PDS5B: variants seen among roughly 807,000 people sequenced by gnomAD.
PDS5B encodes the protein PDS5 cohesin associated factor B.
In PDS5B, 51 loss-of-function variants were observed where a neutral mutation model predicts 184.1. The ratio of observed to expected loss-of-function variants is 0.28; its 90% CI spans 0.22 to 0.35. The LOEUF (loss-of-function observed/expected upper bound fraction) is 0.35. Ranked by LOEUF, PDS5B falls within the 10% of genes least tolerant of loss-of-function variation. PDS5B has a pLI of 1.00. For synonymous variants in PDS5B, 566 were observed against 569.2 expected (o/e 0.99, Z 0.08); for missense variants, 1,180 against 1,723.3 (o/e 0.68, Z 5.58).
At chr13:32,680,170 A>G (rs1268719839) in intron 10 of PDS5B, among the ~76,000 whole-genome samples, 5 of 152,026 alleles carry the variant, frequency 3.3e-5, no homozygotes, top group African/African-American at 4.8e-5. Context: ...CCGTCTGCTC[A>G]TGATTAAGAG....
intron 20 of PDS5B, 147 bp from the exon 21 acceptor site, chr13:32,735,025 G>T (rs564958315): frequency 6.2e-6 from 3 of 484,300 alleles, no homozygotes; most frequent in African/African-American, 6.0e-5. Context: ...CTTATACTAT[G>T]TATATTTATT....
At chr13:32,620,656 CAAAA>C (rs376008300) in intron 1 of PDS5B, among the ~76,000 whole-genome samples, 2 of 92,366 alleles carry the variant, frequency 2.2e-5, no homozygotes, top group Admixed American at 1.1e-4. Flanking sequence ...GACTCCGTCT[CAAAA>C]AAAAAAAAAA....
intron 34 of PDS5B, 97 bp downstream of exon 34, chr13:32,773,421 T>TAG (rs1954857307): frequency 9.4e-7 from 1 of 1,059,762 alleles, no homozygotes; most frequent in African/African-American, 1.6e-5. Flanking sequence ...TTTATATGTT[T>TAG]TACTTCATTA....
At chr13:32,673,173 T>A (rs769244479) in intron 7 of PDS5B, 43 bp from the exon 8 acceptor site, 1 of 1,552,548 alleles carries the variant, frequency 6.4e-7, no homozygotes, top group South Asian at 1.2e-5. Context: ...TCAACTTGTC[T>A]CTGGTTTTTC....
chr13:32,622,111 T>A (rs2058310574), intron 1 of PDS5B, among the ~76,000 whole-genome samples: 1 of 152,136 alleles, frequency 6.6e-6, no homozygotes, highest in South Asian at 2.1e-4. Context: ...TTCCACTCTT[T>A]TTTATCTTCT....
chr13:32,771,421 G>A (rs1218214547), intron 33 of PDS5B, among the ~76,000 whole-genome samples: 1 of 152,050 alleles, frequency 6.6e-6, no homozygotes, highest in African/African-American at 2.4e-5. Flanking sequence ...ATCTGACAGT[G>A]TTTTTTCTCC....
At chr13:32,589,581 G>A (rs964788212) in intron 1 of PDS5B, among the ~76,000 whole-genome samples, 1 of 152,144 alleles carries the variant, frequency 6.6e-6, no homozygotes, top group African/African-American at 2.4e-5. Context: ...GGGAAAGTTA[G>A]TATTGACCTT....
At position 32,732,118 on chromosome 13, in the gene PDS5B, T is replaced by TA; in HGVS notation, c.2142dup (p.His715ThrfsTer5). On this transcript the variant is annotated frameshift_variant, in exon 20 of 35. Coordinates refer to ENST00000315596, the MANE Select transcript of PDS5B (RefSeq NM_015032.4). LOFTEE classifies it high-confidence loss of function. The stretch of plus-strand genomic sequence containing the variant: ...TTTAATAGAGCCTTGCTTCCTGTTT[T>TA]ACATCACAAATCTAAAAAAGGACCC... 6.2e-7 allele frequency: 1 copy of TA among 1,610,272 alleles called. No individual in the cohort carries two copies. The highest frequency in any genetic ancestry group is 8.5e-7 in the Non-Finnish European group (1 of 1,177,580).
intron 24 of PDS5B, among the ~76,000 whole-genome samples, chr13:32,751,445 G>T (rs1421532073): frequency 6.6e-6 from 1 of 152,156 alleles, no homozygotes; most frequent in Non-Finnish European, 1.5e-5. Context: ...CCTGCTTTCC[G>T]CAATGGCTAA....
At chr13:32,661,409 A>C (rs144899431) in intron 6 of PDS5B, among the ~76,000 whole-genome samples, 161 of 146,434 alleles carry the variant, frequency 1.1e-3, no homozygotes, top group Non-Finnish European at 2.1e-3. Context: ...AAAAAAAAAA[A>C]ACAGAAAAAG....
intron 15 of PDS5B, 43 bp from the exon 16 acceptor site, chr13:32,699,687 A>G (rs2140866877): frequency 8.7e-7 from 1 of 1,152,506 alleles, no homozygotes; most frequent in Non-Finnish European, 1.2e-6. Flanking sequence ...TATTTTAAGA[A>G]TTAAAAAAAA....
rs200551267 is a variant in PDS5B, at chr13:32,753,302, A to G, written c.2737-30A>G. 13 of 1,564,912 alleles carry G rather than the reference A, an allele frequency of 8.3e-6. 1 individual carries two copies. In the East Asian group the frequency reaches 2.9e-4, roughly 35 times the overall value. ...GTTGTTACTCTTTGCTGCCATTTGA[A>G]TAATATCTGGAATAATTGTGTCTTT... On this transcript the variant is annotated intron_variant, in intron 24 of 34. Transcript: ENST00000315596.
At chr13:32,698,258 T>C (rs1951764417) in intron 15 of PDS5B, among the ~76,000 whole-genome samples, 1 of 152,036 alleles carries the variant, frequency 6.6e-6, no homozygotes, top group Non-Finnish European at 1.5e-5. Context: ...TCTGAAATAA[T>C]AGGCCTTATT....
At chr13:32,739,310 G>A (rs999450186) in intron 21 of PDS5B, among the ~76,000 whole-genome samples, 4 of 152,028 alleles carry the variant, frequency 2.6e-5, no homozygotes, top group African/African-American at 9.7e-5. Flanking sequence ...TAGAGCCTCT[G>A]TTCTTTTCCA....
chr13:32,670,676 T>A (rs1415107774), intron 7 of PDS5B, among the ~76,000 whole-genome samples: 2 of 152,214 alleles, frequency 1.3e-5, no homozygotes, highest in Admixed American at 6.5e-5. Context: ...ACGCATCACT[T>A]CTTAATGATG....
At chr13:32,622,873 C>G (rs1215506121) in intron 1 of PDS5B, among the ~76,000 whole-genome samples, 2 of 152,140 alleles carry the variant, frequency 1.3e-5, no homozygotes, top group Non-Finnish European at 2.9e-5. Context: ...ACAGAAAAAA[C>G]CAATATGCTG....
intron 7 of PDS5B, among the ~76,000 whole-genome samples, chr13:32,672,622 T>C (rs1950967756): frequency 1.3e-5 from 2 of 152,124 alleles, no homozygotes; most frequent in African/African-American, 4.8e-5. Flanking sequence ...GGGCTATTGG[T>C]GCAATTTCTG....
At chr13:32,612,418 A>G (rs1473967103) in intron 1 of PDS5B, among the ~76,000 whole-genome samples, 3 of 152,132 alleles carry the variant, frequency 2.0e-5, no homozygotes, top group African/African-American at 7.2e-5. Flanking sequence ...TACATATCGT[A>G]TAGTTAACTA....
chr13:32,741,895 G>C (rs1336520019), intron 22 of PDS5B, among the ~76,000 whole-genome samples: 4 of 151,914 alleles, frequency 2.6e-5, no homozygotes, highest in Non-Finnish European at 4.4e-5. Flanking sequence ...GTTTTTCTCG[G>C]CATTGGTCTC....
Sources: gnomAD v4.1 joint callset for allele counts (sites outside exome capture counted in the v4.1 genomes callset) on GRCh38, gnomAD v4.1.1 for gene constraint, MANE v1.5 for transcripts, NCBI Gene and HGNC (gene_info 2026-07-23, HGNC 2026-07-21) for gene names.